DNAH3: variants seen among roughly 807,000 people sequenced by gnomAD.
The protein encoded by DNAH3 is axonemal beta dynein heavy chain 3.
Under a neutral mutation model 432.5 loss-of-function variants are expected in DNAH3, and 332 were observed. That is an observed-to-expected ratio of 0.77 (90% CI 0.70 to 0.84). The LOEUF is 0.84. DNAH3 is among the 40% of genes least tolerant of loss of function. The pLI is 0.00. For missense variants in DNAH3, 4,861 were observed against 5,114.0 expected (o/e 0.95, Z 1.51); for synonymous variants, 1,956 against 1,900.2 (o/e 1.03, Z -0.76).
At chr16:21,081,833 A>G (rs1422139857) in intron 19 of DNAH3, 106 bp from the exon 20 acceptor site, 51 of 806,502 alleles carry the variant, frequency 6.3e-5, no homozygotes. Flanking sequence ...TGCTCAGCAT[A>G]ACAGCCACGA....
chr16:21,115,015 G>A (rs2092155166), intron 12 of DNAH3, among the ~76,000 whole-genome samples: 3 of 152,138 alleles, frequency 2.0e-5, no homozygotes, highest in African/African-American at 4.8e-5. Context: ...ATGATAGACT[G>A]GATTAAGAAA....
At chr16:20,987,831 G>A (rs1567590692) in exon 46 of DNAH3, 1 of 1,614,100 alleles carries the variant, frequency 6.2e-7, no homozygotes, top group Non-Finnish European at 8.5e-7. Context: ...TAGTAGCTTG[G>A]ACCAGCATCT....
chr16:21,019,937 G>T, intron 40 of DNAH3, 68 bp from the exon 41 acceptor site: 1 of 1,571,732 alleles, frequency 6.4e-7, no homozygotes. Flanking sequence ...CTGTGAACTG[G>T]TTGGCTTTGC....
At chr16:20,951,036 A>C (rs991780466) in intron 56 of DNAH3, among the ~76,000 whole-genome samples, 12 of 151,654 alleles carry the variant, frequency 7.9e-5, no homozygotes, top group African/African-American at 2.9e-4. Flanking sequence ...CTGGTCTCAG[A>C]CTCCTGGGCT....
intron 31 of DNAH3, among the ~76,000 whole-genome samples, chr16:21,043,045 C>A (rs1044585844): frequency 1.3e-5 from 2 of 152,130 alleles, no homozygotes; most frequent in African/African-American, 4.8e-5. Context: ...TGCATATGTG[C>A]CACATTTTCT....
intron 37 of DNAH3, among the ~76,000 whole-genome samples, chr16:21,030,381 G>A (rs552688192): frequency 6.6e-6 from 1 of 152,288 alleles, no homozygotes; most frequent in South Asian, 2.1e-4. Flanking sequence ...TGGCCTGGAA[G>A]AGGAGGTATT....
chr16:21,062,380 A>G (rs2090390258), intron 25 of DNAH3, 102 bp downstream of exon 25: 1 of 917,152 alleles, frequency 1.1e-6, no homozygotes, highest in Non-Finnish European at 1.7e-6. Flanking sequence ...CAAGTGTTCC[A>G]TACCCCAGGC....
At chr16:21,159,182 T>A in intron 1 of DNAH3, 1 of 846,942 alleles carries the variant, frequency 1.2e-6, no homozygotes, top group South Asian at 1.4e-5. Context: ...TCCACCGAGG[T>A]CCCCTTCCCC....
At chr16:21,149,206 A>G (rs2092823030) in intron 1 of DNAH3, among the ~76,000 whole-genome samples, 1 of 150,324 alleles carries the variant, frequency 6.7e-6, no homozygotes, top group South Asian at 2.1e-4. Context: ...TCCAGCCTGG[A>G]TAACAGAGAC....
At chr16:21,063,306 T>C (rs1458283426) in intron 24 of DNAH3, among the ~76,000 whole-genome samples, 1 of 152,028 alleles carries the variant, frequency 6.6e-6, no homozygotes, top group African/African-American at 2.4e-5. Context: ...CATTCTAATG[T>C]GCAGTCAGTG....
chr16:21,020,341 A>AGTGTGTGTGT (rs1196037950), intron 40 of DNAH3, among the ~76,000 whole-genome samples: 1 of 60,430 alleles, frequency 1.7e-5, no homozygotes, highest in African/African-American at 9.0e-5. Context: ...ATAATAATAT[A>AGTGTGTGTGT]GTGTGTGTAT....
intron 48 of DNAH3, among the ~76,000 whole-genome samples, chr16:20,984,030 A>G (rs111641326): frequency 4.9e-5 from 2 of 41,110 alleles, no homozygotes; most frequent in African/African-American, 8.7e-5. Context: ...CTATATCCAG[A>G]AAAAAAAAAA....
chr16:21,122,265 TGGGCTG>T (rs2152813367), intron 9 of DNAH3, 141 bp from the exon 11 acceptor site: 1 of 697,122 alleles, frequency 1.4e-6, no homozygotes, highest in South Asian at 2.4e-5. Context: ...ATTTAAAATA[TGGGCTG>T]GGGCTGGGCA....
chr16:21,062,403 A>T, intron 25 of DNAH3, 79 bp downstream of exon 25: 2 of 1,174,610 alleles, frequency 1.7e-6, no homozygotes, highest in Non-Finnish European at 2.5e-6. Flanking sequence ...TCTGGTGCTT[A>T]GTCCCAGTGC....
At chr16:20,941,699 G>A (rs1254438754) in intron 58 of DNAH3, among the ~76,000 whole-genome samples, 156 bp from the exon 59 acceptor site, 1 of 152,070 alleles carries the variant, frequency 6.6e-6, no homozygotes, top group Non-Finnish European at 1.5e-5. Flanking sequence ...CTCCAGTGGG[G>A]AAAGGAGTCC....
At chr16:20,966,019 T>TC in intron 52 of DNAH3, among the ~76,000 whole-genome samples, 2 of 57,392 alleles carry the variant, frequency 3.5e-5, no homozygotes, top group Non-Finnish European at 6.0e-5. Context: ...AGCCAATTTT[T>TC]TTTTTTTTTT....
chr16:21,114,606 A>C (rs1334274097), intron 12 of DNAH3, among the ~76,000 whole-genome samples: 1 of 152,180 alleles, frequency 6.6e-6, no homozygotes, highest in African/African-American at 2.4e-5. Flanking sequence ...CACTTCTCAA[A>C]AGACATTTAT....
chr16:21,080,805 T>C (rs11862214), intron 20 of DNAH3, among the ~76,000 whole-genome samples: 19,575 of 152,216 alleles, frequency 0.13, 1,333 homozygotes, highest in East Asian at 0.17. Flanking sequence ...AAAAAGCAAG[T>C]AGGGTCCTGA....
chr16:21,115,894 G>T (rs2092187587), intron 12 of DNAH3, among the ~76,000 whole-genome samples: 1 of 152,028 alleles, frequency 6.6e-6, no homozygotes, highest in Non-Finnish European at 1.5e-5. Flanking sequence ...ATGATTTTTT[G>T]ACTAGGTTAG....
Sources: allele counts gnomAD v4.1 joint callset (sites outside exome capture counted in the v4.1 genomes callset), GRCh38; gene constraint gnomAD v4.1.1; transcripts MANE v1.5; gene names NCBI Gene and HGNC (gene_info 2026-07-23, HGNC 2026-07-21).